The following SLC7A8 variants were observed in gnomAD, a reference collection of about 807,000 sequenced individuals.
SLC7A8 encodes solute carrier family 7 member 8, also known as large neutral amino acids transporter small subunit 2.
In SLC7A8, 30 loss-of-function variants were observed where a neutral mutation model predicts 51.2. That is an observed-to-expected ratio of 0.59 (90% CI 0.44 to 0.80). The LOEUF is 0.80. SLC7A8 is among the 30% of genes least tolerant of loss of function. The pLI is 0.00. For missense variants in SLC7A8, 612 were observed against 674.4 expected (o/e 0.91, Z 1.03); for synonymous variants, 257 against 275.8 (o/e 0.93, Z 0.67).
chr14:23,162,330 C>T (rs1034378807), intron 3 of SLC7A8, among the ~76,000 whole-genome samples: 20 of 152,070 alleles, frequency 1.3e-4, no homozygotes, highest in African/African-American at 4.1e-4. Flanking sequence ...AGGAAGACTA[C>T]GCTTGGGAAT....
In SLC7A8 at chr14:23,166,488, A is replaced by G. The variant is rs767232887; in HGVS notation, c.204T>C (p.Asn68=). ...TGAGAGCAAGGCCCACAGAACCAGC[A>G]TTCTCCAGCACTCCCTTTGGCGAGA... The part of the protein sequence containing the change: ...IFVSPKGVLE[N]AGSVGLALIV... The change falls in exon 2 of 11, where the codon AAT becomes AAC. Residue 68 remains asparagine (N), a synonymous_variant. Coordinates refer to ENST00000316902, the MANE Select transcript of SLC7A8 (RefSeq NM_012244.4). 1.2e-6 allele frequency: 2 copies of G among 1,614,182 alleles called. No individual in the cohort carries two copies. The highest frequency in any genetic ancestry group is 2.2e-5 in the South Asian group (2 of 91,078).
chr14:23,134,114 AT>A (rs1360821458), intron 7 of SLC7A8, among the ~76,000 whole-genome samples: 1 of 151,680 alleles, frequency 6.6e-6, no homozygotes, highest in Non-Finnish European at 1.5e-5. Flanking sequence ...ATGCCAATTA[AT>A]TTTAAGATTA....
chr14:23,176,124 T>C (rs982857972), intron 1 of SLC7A8, among the ~76,000 whole-genome samples: 1 of 152,178 alleles, frequency 6.6e-6, no homozygotes, highest in Non-Finnish European at 1.5e-5. Flanking sequence ...CTCCCTCTGG[T>C]CAACATCCAG....
chr14:23,169,146 C>T (rs1045678061), intron 1 of SLC7A8, among the ~76,000 whole-genome samples: 4 of 152,200 alleles, frequency 2.6e-5, no homozygotes, highest in South Asian at 2.1e-4. Context: ...TCCAGGAGTT[C>T]GACACCAGCC....
chr14:23,136,170 T>C (rs1210381716), intron 7 of SLC7A8, among the ~76,000 whole-genome samples: 3 of 152,184 alleles, frequency 2.0e-5, no homozygotes, highest in Admixed American at 6.5e-5. Context: ...GTGTGGGAGC[T>C]GACTGTATCC....
At chr14:23,130,045 C>A (rs983654274) in intron 8 of SLC7A8, 2 of 462,696 alleles carry the variant, frequency 4.3e-6, no homozygotes, top group African/African-American at 4.0e-5. Context: ...GGGCACTAGC[C>A]AATTAGAATG....
chr14:23,155,018 AATC>A, intron 3 of SLC7A8: 2 of 590,130 alleles, frequency 3.4e-6, no homozygotes, highest in African/African-American at 2.2e-5. Flanking sequence ...AAAAAAAAAA[AATC>A]AAAGCAGCCC....
chr14:23,163,504 C>T (rs2048934412), intron 3 of SLC7A8, among the ~76,000 whole-genome samples: 1 of 152,182 alleles, frequency 6.6e-6, no homozygotes, highest in African/African-American at 2.4e-5. Flanking sequence ...CCAGGGTTGA[C>T]CAGCACTGCC....
intron 3 of SLC7A8, among the ~76,000 whole-genome samples, chr14:23,164,159 C>T (rs2048937310): frequency 6.6e-6 from 1 of 152,122 alleles, no homozygotes; most frequent in South Asian, 2.1e-4. Context: ...ATTTTTACTG[C>T]AATTGAATCC....
intron 1 of SLC7A8, among the ~76,000 whole-genome samples, chr14:23,173,765 C>G (rs1309360321): frequency 2.0e-5 from 3 of 152,096 alleles, no homozygotes; most frequent in African/African-American, 7.2e-5. Flanking sequence ...CCTCAGCCTC[C>G]CTAGTGCTGG....
intron 10 of SLC7A8, 114 bp downstream of exon 10, chr14:23,127,905 T>A: frequency 1.1e-6 from 1 of 885,734 alleles, no homozygotes; most frequent in Non-Finnish European, 1.7e-6. Context: ...CTCTGTGGAC[T>A]GAGGAGAAGG....
chr14:23,130,933 C>A (rs748321374), intron 8 of SLC7A8, among the ~76,000 whole-genome samples: 1 of 152,230 alleles, frequency 6.6e-6, no homozygotes, highest in Non-Finnish European at 1.5e-5. Flanking sequence ...TTTCCTGTCC[C>A]AAGTTTCCTT....
At chr14:23,160,406 C>T (rs143451814) in intron 3 of SLC7A8, among the ~76,000 whole-genome samples, 153 of 152,034 alleles carry the variant, frequency 1.0e-3, no homozygotes, top group African/African-American at 3.4e-3. Context: ...GCTGTCTGTA[C>T]TAAAAACACA....
chr14:23,177,327 C>A (rs1197259098), intron 1 of SLC7A8, among the ~76,000 whole-genome samples: 2 of 152,210 alleles, frequency 1.3e-5, no homozygotes, highest in Admixed American at 1.3e-4. Context: ...TCAAAGGCAG[C>A]CAACTGTCCA....
chr14:23,137,774 C>A, intron 7 of SLC7A8, 147 bp downstream of exon 7: 1 of 951,698 alleles, frequency 1.1e-6, no homozygotes, highest in South Asian at 1.6e-5. Flanking sequence ...GACACACACG[C>A]CCTCATGTGA....
At chr14:23,175,811 A>T (rs1199007569) in intron 1 of SLC7A8, among the ~76,000 whole-genome samples, 2 of 152,188 alleles carry the variant, frequency 1.3e-5, no homozygotes, top group Non-Finnish European at 2.9e-5. Context: ...CAGTTGCTTC[A>T]GATTTTAGTG....
At chr14:23,131,591 A>T in intron 7 of SLC7A8, 34 bp from the exon 8 acceptor site, 3 of 1,513,806 alleles carry the variant, frequency 2.0e-6, no homozygotes, top group Non-Finnish European at 2.7e-6. Flanking sequence ...GCCTGGGATA[A>T]CCCAGGGACC....
At chr14:23,132,534 T>G (rs566297509) in intron 7 of SLC7A8, among the ~76,000 whole-genome samples, 1 of 151,618 alleles carries the variant, frequency 6.6e-6, no homozygotes, top group Non-Finnish European at 1.5e-5. Context: ...CTAGGCAACA[T>G]AGTGAGACTC....
chr14:23,155,565 G>A (rs2048886683), intron 3 of SLC7A8: 1 of 1,149,028 alleles, frequency 8.7e-7, no homozygotes, highest in Non-Finnish European at 1.1e-6. Flanking sequence ...CAGCTGGCCT[G>A]GATCGGGGAG....
Sources: gnomAD v4.1 joint callset for allele counts (sites outside exome capture counted in the v4.1 genomes callset) on GRCh38, gnomAD v4.1.1 for gene constraint, MANE v1.5 for transcripts, NCBI Gene and HGNC (gene_info 2026-07-23, HGNC 2026-07-21) for gene names.